SV2C: variants seen among roughly 807,000 people sequenced by gnomAD.
SV2C encodes solute carrier family 22 member B3.
Under a neutral mutation model 79.7 loss-of-function variants are expected in SV2C, and 49 were observed. That is an observed-to-expected ratio of 0.61 (90% CI 0.49 to 0.78). SV2C has a LOEUF of 0.78. Among genes scored for constraint, SV2C ranks in the 30% least tolerant of loss-of-function variants. SV2C has a pLI of 0.00. For missense variants in SV2C, 833 were observed against 912.9 expected (o/e 0.91, Z 1.13); for synonymous variants, 334 against 333.2 (o/e 1.00, Z -0.03).
chr5:76,069,287 T>C, the SV2C span, among the ~76,000 whole-genome samples: 1 of 152,340 alleles, frequency 6.6e-6, no homozygotes, highest in Middle Eastern at 3.4e-3. Flanking sequence ...TCTGACTTTA[T>C]GGCTGCTCCA....
At chr5:76,159,528 C>A (rs781145912) in intron 2 of SV2C, among the ~76,000 whole-genome samples, 4 of 152,092 alleles carry the variant, frequency 2.6e-5, no homozygotes, top group Admixed American at 6.6e-5. Flanking sequence ...GCTAGAAGTC[C>A]AAACTCAAGG....
intron 4 of SV2C, among the ~76,000 whole-genome samples, chr5:76,241,086 A>G (rs777516114): frequency 6.6e-6 from 1 of 151,888 alleles, no homozygotes; most frequent in Non-Finnish European, 1.5e-5. Flanking sequence ...CCTCCCGAGT[A>G]GCTGGGACTA....
the SV2C span, among the ~76,000 whole-genome samples, chr5:75,991,216 C>T: frequency 1.3e-5 from 2 of 151,754 alleles, no homozygotes; most frequent in African/African-American, 2.4e-5. Context: ...AAATATAACA[C>T]CTTTCTGTAT....
At chr5:75,895,185 A>G in the SV2C span, among the ~76,000 whole-genome samples, 931 of 152,250 alleles carry the variant, frequency 6.1e-3, 5 homozygotes, top group South Asian at 0.025. Context: ...AAAGAGAAAA[A>G]TATCTGATTT....
the SV2C span, among the ~76,000 whole-genome samples, chr5:75,939,671 C>T: frequency 3.3e-5 from 5 of 152,236 alleles, no homozygotes; most frequent in East Asian, 1.9e-4. Flanking sequence ...TCTAATTGTG[C>T]GATAATTTTA....
At chr5:76,120,705 T>G (rs1338950502) in intron 1 of SV2C, among the ~76,000 whole-genome samples, 1 of 150,712 alleles carries the variant, frequency 6.6e-6, no homozygotes, top group Admixed American at 6.6e-5. Flanking sequence ...ACTCATCATT[T>G]TTTATGGCTG....
chr5:76,199,856 G>T (rs978782848), intron 3 of SV2C, among the ~76,000 whole-genome samples: 4 of 152,370 alleles, frequency 2.6e-5, no homozygotes, highest in Admixed American at 6.5e-5. Flanking sequence ...GACTGGAGCT[G>T]CTTTACAGAC....
At chr5:76,339,955 AAG>A (rs1310294606) in intron 12 of SV2C, among the ~76,000 whole-genome samples, 2 of 152,182 alleles carry the variant, frequency 1.3e-5, no homozygotes, top group African/African-American at 4.8e-5. Context: ...AGGCTGACAG[AAG>A]ATACAGGTCA....
chr5:76,293,342 A>G (rs1019187284), intron 8 of SV2C, among the ~76,000 whole-genome samples: 1 of 152,238 alleles, frequency 6.6e-6, no homozygotes, highest in African/African-American at 2.4e-5. Flanking sequence ...AAGAGTAATC[A>G]TCATTATCTG....
chr5:76,056,585 G>C, the SV2C span, among the ~76,000 whole-genome samples: 1 of 145,470 alleles, frequency 6.9e-6, no homozygotes, highest in Non-Finnish European at 1.5e-5. Context: ...TTGTACCTCT[G>C]ATAGAATGTG....
At chr5:76,150,589 C>T (rs977293476) in intron 2 of SV2C, among the ~76,000 whole-genome samples, 16 of 148,596 alleles carry the variant, frequency 1.1e-4, no homozygotes, top group African/African-American at 4.0e-4. Context: ...AGCACACCAG[C>T]AGTGGCCCAA....
At chr5:75,943,473 T>C in the SV2C span, among the ~76,000 whole-genome samples, 3 of 152,204 alleles carry the variant, frequency 2.0e-5, no homozygotes, top group African/African-American at 7.2e-5. Context: ...CAGCTTACTC[T>C]TTATCTTTTT....
the SV2C span, among the ~76,000 whole-genome samples, chr5:75,854,615 G>A: frequency 6.6e-6 from 1 of 152,018 alleles, no homozygotes; most frequent in African/African-American, 2.4e-5. Flanking sequence ...CTGCACATAA[G>A]TCCTCTGTCA....
the SV2C span, among the ~76,000 whole-genome samples, chr5:75,984,597 A>AT: frequency 8.0e-4 from 64 of 79,870 alleles, no homozygotes; most frequent in Middle Eastern, 8.8e-3. Context: ...CTATCTATCT[A>AT]CCTATCTATC....
the SV2C span, among the ~76,000 whole-genome samples, chr5:76,020,583 T>C: frequency 2.6e-5 from 4 of 152,204 alleles, no homozygotes; most frequent in Non-Finnish European, 5.9e-5. Context: ...CAGAACTTTT[T>C]ATTGTCTCCC....
At chr5:75,898,512 T>C in the SV2C span, among the ~76,000 whole-genome samples, 1 of 152,218 alleles carries the variant, frequency 6.6e-6, no homozygotes, top group Non-Finnish European at 1.5e-5. Context: ...TCATCAAGGA[T>C]ATTGGTCTAA....
the SV2C span, among the ~76,000 whole-genome samples, chr5:75,934,319 T>TTTTTTTTTC: frequency 1.8e-4 from 26 of 146,972 alleles, 1 homozygote; most frequent in African/African-American, 5.7e-4. Flanking sequence ...TTTTTTTTTT[T>TTTTTTTTTC]CACTGTCGCT....
chr5:76,242,206 A>C, intron 4 of SV2C: 5 of 977,722 alleles, frequency 5.1e-6, no homozygotes, highest in Non-Finnish European at 8.2e-6. Flanking sequence ...GAGCAGGTTT[A>C]GCAGACAACC....
the SV2C span, among the ~76,000 whole-genome samples, chr5:75,970,728 C>T: frequency 1.3e-5 from 2 of 151,976 alleles, no homozygotes; most frequent in Non-Finnish European, 1.5e-5. Context: ...GATTCACAGC[C>T]GAATTCTACC....
Sources: gnomAD v4.1 joint callset for allele counts (sites outside exome capture counted in the v4.1 genomes callset) on GRCh38, gnomAD v4.1.1 for gene constraint, MANE v1.5 for transcripts, NCBI Gene and HGNC (gene_info 2026-07-23, HGNC 2026-07-21) for gene names.